Variants in PPM1E observed in about 807,000 individuals in gnomAD.
PPM1E encodes the protein protein phosphatase, Mg2+/Mn2+ dependent 1E, also known as protein phosphatase 1E.
A neutral mutation model predicts 65.9 loss-of-function variants in PPM1E; 20 were observed. That is an observed-to-expected ratio of 0.30 (90% CI 0.21 to 0.44). The LOEUF (loss-of-function observed/expected upper bound fraction) is 0.44, where lower values mean the gene tolerates loss of function less well. Among genes scored for constraint, PPM1E ranks in the 20% least tolerant of loss-of-function variants. The pLI, the probability that PPM1E is intolerant of heterozygous loss-of-function variation, is 1.00. For synonymous variants in PPM1E, 352 were observed against 374.9 expected, an observed-to-expected ratio of 0.94 and a Z score of 0.70; for missense variants, 713 against 953.1, an observed-to-expected ratio of 0.75 and a Z score of 3.32.
chr17:58,971,508 A>G (rs1261789930), intron 4 of PPM1E, among the ~76,000 whole-genome samples: 1 of 152,180 alleles, frequency 6.6e-6, no homozygotes, highest in African/African-American at 2.4e-5. Flanking sequence ...TTAGTTCTTT[A>G]TGCAATGTTC....
At position 58,937,128 on chromosome 17, in the gene PPM1E, C is replaced by CA. The variant is rs1043057591; in HGVS notation, c.465-18509dup. 3.9e-3 allele frequency among the ~76,000 whole-genome samples: 408 copies of CA among 103,832 alleles called. 2 individuals are homozygous for CA. The highest frequency in any genetic ancestry group is 0.023 in the East Asian group (82 of 3,564). The allele number at this position is 103,832 out of a possible 152,430, so 68.1% of individuals were successfully genotyped here. A position where few individuals can be genotyped will look rare whatever the true frequency, so the allele number is the denominator to read the frequency against. On this transcript the variant is annotated intron_variant, in intron 1 of 6. Coordinates refer to ENST00000308249, the MANE Select transcript of PPM1E (RefSeq NM_014906.5). ...TGAAACCTCGTCTCTAATAAAAATACAAAAAAAAAAAATAAAATAAGCTCT... is the reference window on the plus strand; with the variant it reads ...TGAAACCTCGTCTCTAATAAAAATACAAAAAAAAAAAAATAAAATAAGCTCT...
chr17:58,766,037 C>T (rs1450420771), intron 1 of PPM1E, among the ~76,000 whole-genome samples: 2 of 150,244 alleles, frequency 1.3e-5, no homozygotes, highest in Non-Finnish European at 3.0e-5. Flanking sequence ...TGCACTACCA[C>T]ACCTGGCTAA....
chr17:58,865,557 A>T (rs1004947984), intron 1 of PPM1E, among the ~76,000 whole-genome samples: 1 of 151,900 alleles, frequency 6.6e-6, no homozygotes, highest in Non-Finnish European at 1.5e-5. Flanking sequence ...AAAATTCACC[A>T]GGTATGATGG....
chr17:58,869,162 T>A (rs1339596615), intron 1 of PPM1E, among the ~76,000 whole-genome samples: 1 of 152,224 alleles, frequency 6.6e-6, no homozygotes, highest in Non-Finnish European at 1.5e-5. Flanking sequence ...AGAGTGGGAC[T>A]CCGTCTCAAC....
At chr17:58,955,827 C>T in intron 2 of PPM1E, 60 bp downstream of exon 2, 1 of 1,478,362 alleles carries the variant, frequency 6.8e-7, no homozygotes, top group South Asian at 1.4e-5. Flanking sequence ...TGTAGTGGTC[C>T]ACAGAAAATA....
At chr17:58,766,248 C>T (rs2049876831) in intron 1 of PPM1E, among the ~76,000 whole-genome samples, 2 of 131,154 alleles carry the variant, frequency 1.5e-5, no homozygotes, top group Non-Finnish European at 3.1e-5. Flanking sequence ...GCTGCCCAGG[C>T]TGGAGTGCAG....
intron 1 of PPM1E, among the ~76,000 whole-genome samples, chr17:58,871,657 A>G (rs375141457): frequency 1.3e-5 from 2 of 151,960 alleles, no homozygotes; most frequent in Non-Finnish European, 2.9e-5. Flanking sequence ...TCTACAAACA[A>G]TACAAAAAAT....
intron 1 of PPM1E, among the ~76,000 whole-genome samples, chr17:58,901,928 A>G (rs1321698121): frequency 1.3e-5 from 2 of 152,240 alleles, no homozygotes; most frequent in South Asian, 4.1e-4. Flanking sequence ...GTGAGCCAAG[A>G]TTGTGCCATT....
At chr17:58,883,345 A>T (rs2051225560) in intron 1 of PPM1E, among the ~76,000 whole-genome samples, 1 of 152,142 alleles carries the variant, frequency 6.6e-6, no homozygotes, top group African/African-American at 2.4e-5. Context: ...TCTCTTGGAA[A>T]TAATTTTTTT....
rs763649485 is a variant in PPM1E at position 58,981,189 on chromosome 17, A to AGTG, written c.*159_*161dup. ...TAGATCTCTAGGAAACTCAAAGTAC[A>AGTG]GTGTTTTCAATCTAAAAAGAAGTAT... On this transcript the variant is annotated 3_prime_UTR_variant, in exon 7 of 7. Coordinates refer to ENST00000308249, the MANE Select transcript of PPM1E (RefSeq NM_014906.5). 3.8e-4 allele frequency: 228 copies of AGTG among 601,746 alleles called. 2 individuals carry two copies. The highest frequency in any genetic ancestry group is 4.2e-4 in the Non-Finnish European group (149 of 357,028). 37.3% of individuals were successfully genotyped at this position (601,746 alleles called of 1,614,324 possible).
rs577843429 is a variant in PPM1E, at chr17:58,809,732, T to G, written c.464+53271T>G. On this transcript the variant is annotated intron_variant, in intron 1 of 6. Coordinates refer to ENST00000308249, the MANE Select transcript of PPM1E (RefSeq NM_014906.5). The stretch of plus-strand genomic sequence containing the variant: ...TATCTGTTGAAGAAACCAGATCATT[T>G]GTTGGTAGACTTTCTTACATTCTGG... Among the ~76,000 whole-genome samples, 5 of 152,312 alleles carry G rather than the reference T, an allele frequency of 3.3e-5. No homozygotes were observed. In the South Asian group the frequency reaches 1.0e-3, roughly 32 times the overall value.
At chr17:58,836,628 C>G (rs2050659547) in intron 1 of PPM1E, among the ~76,000 whole-genome samples, 1 of 151,056 alleles carries the variant, frequency 6.6e-6, no homozygotes, top group Non-Finnish European at 1.5e-5. Flanking sequence ...CCACACCCAG[C>G]TAGTTTTTGT....
chr17:58,916,389 C>A (rs1304237449), intron 1 of PPM1E, among the ~76,000 whole-genome samples: 2 of 152,170 alleles, frequency 1.3e-5, no homozygotes, highest in Non-Finnish European at 2.9e-5. Flanking sequence ...AATTCTTGTA[C>A]ATTCTCCACA....
At chr17:58,940,511 A>G (rs1269214126) in intron 1 of PPM1E, among the ~76,000 whole-genome samples, 1 of 152,236 alleles carries the variant, frequency 6.6e-6, no homozygotes, top group Non-Finnish European at 1.5e-5. Context: ...TAAAAAAATT[A>G]TATTAACTGT....
chr17:58,836,423 A>T (rs1160642984), intron 1 of PPM1E, among the ~76,000 whole-genome samples: 1 of 149,994 alleles, frequency 6.7e-6, no homozygotes, highest in African/African-American at 2.4e-5. Context: ...GGAGTTCAAG[A>T]CCAGCCTGGG....
At chr17:58,802,419 G>A (rs1164835049) in intron 1 of PPM1E, among the ~76,000 whole-genome samples, 1 of 152,122 alleles carries the variant, frequency 6.6e-6, no homozygotes, top group Non-Finnish European at 1.5e-5. Flanking sequence ...GTGCCATACT[G>A]CTTTGATTAC....
chr17:58,868,450 T>C (rs1044192539), intron 1 of PPM1E, among the ~76,000 whole-genome samples: 1 of 152,160 alleles, frequency 6.6e-6, no homozygotes. Flanking sequence ...AAGGTATTAG[T>C]GAGAAGAGGG....
intron 1 of PPM1E, chr17:58,951,597 C>A (rs1447617777): frequency 6.6e-6 from 1 of 151,574 alleles, no homozygotes; most frequent in African/African-American, 2.4e-5. Flanking sequence ...ATTGCTTAAG[C>A]CCAGGAGGTG....
In PPM1E at chr17:58,845,299, G is replaced by T. The variant is rs549531231; in HGVS notation, c.464+88838G>T. 6.6e-3 allele frequency among the ~76,000 whole-genome samples: 868 copies of T among 131,842 alleles called. 4 individuals carry two copies. The highest frequency in any genetic ancestry group is 0.01 in the African/African-American group (377 of 36,266). The allele number at this position is 131,842 out of a possible 152,430, so 86.5% of individuals were successfully genotyped here. On this transcript the variant is annotated intron_variant, in intron 1 of 6. Transcript: ENST00000308249. ...CAGTTCTGTTCATGGGTCATGGTTG[G>T]TTTTTTTTTTTTTTCAGTTTCTTTT...
Sources: allele counts gnomAD v4.1 joint callset (sites outside exome capture counted in the v4.1 genomes callset), GRCh38; gene constraint gnomAD v4.1.1; transcripts MANE v1.5; gene names NCBI Gene and HGNC (gene_info 2026-07-23, HGNC 2026-07-21).